The following CTNNA2 variants were observed in gnomAD, a reference collection of about 807,000 sequenced individuals.
CTNNA2 encodes the protein catenin alpha 2.
CTNNA2 carries 42 observed loss-of-function variants against 101.0 expected under a neutral mutation model. The observed-to-expected ratio is 0.42, with a 90% CI of 0.32 to 0.54. The LOEUF is 0.54. CTNNA2 is among the 20% of genes least tolerant of loss of function. The pLI is 0.14. For synonymous variants in CTNNA2, 450 were observed against 456.4 expected, an observed-to-expected ratio of 0.99 and a Z score of 0.18; for missense variants, 871 against 1,223.1, an observed-to-expected ratio of 0.71 and a Z score of 4.29.
intron 12 of CTNNA2, among the ~76,000 whole-genome samples, chr2:80,568,658 G>A (rs1191653654): frequency 6.6e-6 from 1 of 151,910 alleles, no homozygotes; most frequent in Non-Finnish European, 1.5e-5. Context: ...GGGTTCTGAG[G>A]ATTAAAGAAG....
chr2:79,843,255 T>C (rs183452237), intron 3 of CTNNA2, among the ~76,000 whole-genome samples: 85 of 152,358 alleles, frequency 5.6e-4, no homozygotes, highest in Admixed American at 4.9e-3. Flanking sequence ...GAAAGGATTC[T>C]TTAACTTGGA....
intron 3 of CTNNA2, among the ~76,000 whole-genome samples, chr2:79,791,945 G>A (rs1272040701): frequency 6.6e-6 from 1 of 152,176 alleles, no homozygotes; most frequent in Non-Finnish European, 1.5e-5. Flanking sequence ...CTACGGAGAA[G>A]GACAGGTGGC....
intron 7 of CTNNA2, among the ~76,000 whole-genome samples, chr2:80,215,240 A>T (rs1452879221): frequency 6.6e-6 from 1 of 152,128 alleles, no homozygotes; most frequent in African/African-American, 2.4e-5. Flanking sequence ...GTTATTACCG[A>T]TCATCTGAAG....
intron 7 of CTNNA2, among the ~76,000 whole-genome samples, chr2:80,067,719 C>T (rs1698075530): frequency 6.6e-6 from 1 of 152,148 alleles, no homozygotes; most frequent in South Asian, 2.1e-4. Context: ...TCATAAAAGA[C>T]ATCGCGGCTT....
At chr2:79,222,121 A>G (rs1674352604) in intron 2 of CTNNA2, among the ~76,000 whole-genome samples, 1 of 152,200 alleles carries the variant, frequency 6.6e-6, no homozygotes, top group South Asian at 2.1e-4. Context: ...TGGGAGTCAA[A>G]GCATGCTGCT....
chr2:80,560,721 A>T (rs905558093), intron 12 of CTNNA2, among the ~76,000 whole-genome samples: 6 of 152,102 alleles, frequency 3.9e-5, no homozygotes, highest in African/African-American at 1.4e-4. Flanking sequence ...TCACCTTTAA[A>T]ATATAGCTCT....
At chr2:79,346,870 G>T (rs949485889) in intron 3 of CTNNA2, among the ~76,000 whole-genome samples, 1 of 152,150 alleles carries the variant, frequency 6.6e-6, no homozygotes, top group African/African-American at 2.4e-5. Flanking sequence ...TAAAGTCCTG[G>T]TTTAAAGATG....
intron 7 of CTNNA2, among the ~76,000 whole-genome samples, chr2:80,203,793 A>G (rs1707359508): frequency 6.6e-6 from 1 of 152,126 alleles, no homozygotes; most frequent in Admixed American, 6.5e-5. Flanking sequence ...CCAACTCCAC[A>G]TTTCCCTTCC....
chr2:80,612,252 A>G (rs1361615233), intron 17 of CTNNA2, among the ~76,000 whole-genome samples: 1 of 151,574 alleles, frequency 6.6e-6, no homozygotes, highest in Non-Finnish European at 1.5e-5. Flanking sequence ...GGTCAATTAT[A>G]GTAATTCTTA....
At chr2:79,993,500 T>C (rs1163139263) in intron 7 of CTNNA2, among the ~76,000 whole-genome samples, 1 of 152,236 alleles carries the variant, frequency 6.6e-6, no homozygotes, top group South Asian at 2.1e-4. Context: ...AAAGATGCAG[T>C]ATACAGTCAC....
chr2:80,557,066 C>T (rs1351523459), intron 12 of CTNNA2, among the ~76,000 whole-genome samples: 1 of 152,146 alleles, frequency 6.6e-6, no homozygotes, highest in Non-Finnish European at 1.5e-5. Flanking sequence ...AAACACAATA[C>T]ATAAACACAG....
At chr2:80,582,738 G>A (rs191943065) in intron 14 of CTNNA2, among the ~76,000 whole-genome samples, 13 of 152,176 alleles carry the variant, frequency 8.5e-5, no homozygotes, top group East Asian at 1.9e-4. Flanking sequence ...TCTTTGTTAA[G>A]TTTTATTTAA....
chr2:79,702,764 T>C (rs150892320), intron 2 of CTNNA2, among the ~76,000 whole-genome samples: 7 of 152,312 alleles, frequency 4.6e-5, no homozygotes, highest in African/African-American at 1.2e-4. Flanking sequence ...GCCCCTTTTA[T>C]AATGTAGAAC....
chr2:79,917,484 A>G (rs1484589910), intron 7 of CTNNA2, among the ~76,000 whole-genome samples: 1 of 152,250 alleles, frequency 6.6e-6, no homozygotes, highest in Non-Finnish European at 1.5e-5. Flanking sequence ...CAAAAGAAAT[A>G]TACATAGTTG....
rs973149834 is a variant in CTNNA2 at position 79,669,693 on chromosome 2, G to T, written c.102+18035G>T. On this transcript the variant is annotated intron_variant, in intron 2 of 18. Coordinates refer to ENST00000402739, the MANE Select transcript of CTNNA2 (RefSeq NM_001282597.3). ...CAGAGAAGGTAGCTCCTCTCTGCTGGCAGGTCGTCTCTGCAGCTCTCAGTG... is the reference window on the plus strand; with the variant it reads ...CAGAGAAGGTAGCTCCTCTCTGCTGTCAGGTCGTCTCTGCAGCTCTCAGTG... Among the ~76,000 whole-genome samples the T allele has an allele frequency of 3.3e-5, 5 of 152,154 alleles. No individual in the cohort carries two copies. In the South Asian group the frequency reaches 8.3e-4, roughly 25 times the overall value.
intron 4 of CTNNA2, among the ~76,000 whole-genome samples, chr2:79,466,357 G>C (rs962415459): frequency 6.6e-6 from 1 of 152,200 alleles, no homozygotes; most frequent in African/African-American, 2.4e-5. Flanking sequence ...GCTGAGGTTT[G>C]AGTAGGTAAA....
chr2:79,716,025 TG>T (rs2104834980), intron 2 of CTNNA2, among the ~76,000 whole-genome samples: 1 of 146,248 alleles, frequency 6.8e-6, no homozygotes. Context: ...CTATAAGGAT[TG>T]AAAAAAAAAA....
At chr2:79,288,811 G>A (rs943034280) in intron 2 of CTNNA2, among the ~76,000 whole-genome samples, 5 of 152,186 alleles carry the variant, frequency 3.3e-5, no homozygotes, top group African/African-American at 1.2e-4. Flanking sequence ...TTAAAAGAGT[G>A]AAGAATAGAT....
intron 2 of CTNNA2, among the ~76,000 whole-genome samples, chr2:79,305,342 A>G (rs1676212135): frequency 6.9e-6 from 1 of 145,636 alleles, no homozygotes; most frequent in Non-Finnish European, 1.5e-5. Flanking sequence ...ATACATATAT[A>G]CATACATATA....
Sources: allele counts gnomAD v4.1 joint callset (sites outside exome capture counted in the v4.1 genomes callset), GRCh38; gene constraint gnomAD v4.1.1; transcripts MANE v1.5; gene names NCBI Gene and HGNC (gene_info 2026-07-23, HGNC 2026-07-21).